EPHA10: variants seen among roughly 807,000 people sequenced by gnomAD.
EPHA10 encodes ephrin type-A receptor 10.
In EPHA10, 120 loss-of-function variants were observed where a neutral mutation model predicts 109.7. The ratio of observed to expected loss-of-function variants is 1.09; its 90% confidence interval spans 0.94 to 1.27. EPHA10 has a LOEUF of 1.27. Ranked by LOEUF, EPHA10 falls within the 50% of genes most tolerant of loss-of-function variation. The pLI is 0.00. For missense variants in EPHA10, 1,396 were observed against 1,411.1 expected (o/e 0.99, Z 0.17); for synonymous variants, 640 against 618.9 (o/e 1.03, Z -0.51).
rs183049110 is a variant in EPHA10 at position 37,716,651 on chromosome 1, T to C, written c.*1721A>G. The C allele has an allele frequency of 1.2e-4, 28 of 232,738 alleles. No homozygotes were observed. The highest frequency in any genetic ancestry group is 5.5e-4 in the African/African-American group (25 of 45,408). 14.4% of individuals were successfully genotyped at this position (232,738 alleles called of 1,614,324 possible). ...GTCACTGTCCCCCACCTCTGGGTGC[T>C]CTGCAAAGAGGCACTGCACCTTCCC... On this transcript the variant is annotated 3_prime_UTR_variant, in exon 17 of 17. Transcript: ENST00000373048.
At chr1:37,729,059 T>A (rs1438090691) in intron 7 of EPHA10, among the ~76,000 whole-genome samples, 2 of 152,192 alleles carry the variant, frequency 1.3e-5, no homozygotes. Flanking sequence ...ATGAATGGCT[T>A]CTGTCTTGGG....
intron 5 of EPHA10, among the ~76,000 whole-genome samples, chr1:37,748,690 A>G (rs370469048): frequency 2.6e-5 from 4 of 152,176 alleles, no homozygotes; most frequent in African/African-American, 9.7e-5. Context: ...GAGAGTTCAC[A>G]CTGAAATATC....
chr1:37,724,763 G>T (rs971217919), intron 8 of EPHA10, among the ~76,000 whole-genome samples: 1 of 152,222 alleles, frequency 6.6e-6, no homozygotes, highest in African/African-American at 2.4e-5. Flanking sequence ...ACCGCAGGGT[G>T]TTGACAGCCT....
At chr1:37,751,978 G>T (rs1311038802) in intron 5 of EPHA10, among the ~76,000 whole-genome samples, 1 of 152,092 alleles carries the variant, frequency 6.6e-6, no homozygotes, top group Non-Finnish European at 1.5e-5. Flanking sequence ...AAGTAGAAAA[G>T]AATGAAAATA....
chr1:37,720,596 T>A, intron 12 of EPHA10, 42 bp from the exon 13 acceptor site: 1 of 1,576,746 alleles, frequency 6.3e-7, no homozygotes, highest in Non-Finnish European at 8.6e-7. Context: ...TGCGCTTGGA[T>A]CCCCTGGTGT....
intron 6 of EPHA10, among the ~76,000 whole-genome samples, chr1:37,732,120 T>A (rs1449948748): frequency 6.6e-6 from 1 of 152,100 alleles, no homozygotes. Context: ...TTCAGAGGGG[T>A]AAAGACTCCC....
chr1:37,723,593 C>T (rs1645839423), intron 8 of EPHA10, among the ~76,000 whole-genome samples: 1 of 152,238 alleles, frequency 6.6e-6, no homozygotes, highest in Non-Finnish European at 1.5e-5. Context: ...ACCACCACCA[C>T]CATCCCTAGC....
Position 37,764,439 on chromosome 1 carries a change from G to C in EPHA10, c.106+522C>G, listed in dbSNP as rs755093495. On this transcript the variant is annotated intron_variant, in intron 1 of 16. Transcript: ENST00000373048. The surrounding 1 kb of genome is among the most constrained non-coding windows in gnomAD (Gnocchi z 5.8). ...AAACCCGGCAACGCGGAGCGCGCCC[G>C]GCAGACTACGCTCAGAATTCAGCAC... Among the ~76,000 whole-genome samples, 1 of 152,220 alleles carries C rather than the reference G, an allele frequency of 6.6e-6. No individual in the cohort carries two copies. The highest frequency in any genetic ancestry group is 1.5e-5 in the Non-Finnish European group (1 of 68,034).
chr1:37,740,110 A>G (rs1018844177), intron 5 of EPHA10, among the ~76,000 whole-genome samples: 2 of 152,098 alleles, frequency 1.3e-5, no homozygotes, highest in Non-Finnish European at 2.9e-5. Context: ...AAGGAAAAAA[A>G]TTATATCCTT....
At chr1:37,720,268 A>G in intron 13 of EPHA10, 83 bp downstream of exon 13, 1 of 1,465,110 alleles carries the variant, frequency 6.8e-7, no homozygotes, top group Non-Finnish European at 9.2e-7. Context: ...CAGGGAAAGG[A>G]GTAGAAGTGG....
Position 37,761,779 on chromosome 1 carries a change from T to C in EPHA10, c.476A>G (p.Glu159Gly). 1 of 1,613,738 alleles carries C rather than the reference T, an allele frequency of 6.2e-7. No individual in the cohort carries two copies. The highest frequency in any genetic ancestry group is 8.5e-7 in the Non-Finnish European group (1 of 1,179,806). The change falls in exon 3 of 17, where the codon GAG becomes GGG. Residue 159 changes from glutamate (E) to glycine (G), a missense_variant. Glu to Gly is a moderately conservative substitution (Grantham distance 98, BLOSUM62 -2). Coordinates refer to ENST00000373048, the MANE Select transcript of EPHA10 (RefSeq NM_001099439.2). ...PRKIDTIAAD[E>G]SFTQGDLGER... ...ACCCAGGTCGCCCTGCGTGAAGCTC[T>C]CGTCCGCCGCGATCGTGTCGATTTT...
Position 37,752,953 on chromosome 1 carries a change from GCGGCCACGCGCA to G in EPHA10, c.1268_1279del (p.Val423_Ala426del). 1 of 1,294,596 alleles carries G rather than the reference GCGGCCACGCGCA, an allele frequency of 7.7e-7. No homozygotes were observed. The highest frequency in any genetic ancestry group is 9.8e-7 in the Non-Finnish European group (1 of 1,024,450). The allele number at this position is 1,294,596 out of a possible 1,614,324, so 80.2% of individuals were successfully genotyped here. On this transcript the variant is annotated inframe_deletion, in exon 5 of 17. Coordinates refer to ENST00000373048, the MANE Select transcript of EPHA10 (RefSeq NM_001099439.2). Reference sequence around the variant, plus strand: ...CGCCGGGCCCGAGACGCCGTTGAGCGCGGCCACGCGCACGGTGTAGCGCGCGCCGGGCCGCAG... The same window carrying G: ...CGCCGGGCCCGAGACGCCGTTGAGCGCGGTGTAGCGCGCGCCGGGCCGCAG...
In EPHA10 at chr1:37,716,260, G is replaced by A. The variant is rs912284509; in HGVS notation, c.*2112C>T. The A allele has an allele frequency of 3.7e-5, 10 of 269,862 alleles. No individual in the cohort carries two copies. Among genetic ancestry groups the A allele is most frequent in the African/African-American group, 2.0e-4 (9 of 45,720 alleles). The allele number at this position is 269,862 out of a possible 1,614,324, so 16.7% of individuals were successfully genotyped here. A position where few individuals can be genotyped will look rare whatever the true frequency, so the allele number is the denominator to read the frequency against. On this transcript the variant is annotated 3_prime_UTR_variant, in exon 17 of 17. Transcript: ENST00000373048. The stretch of plus-strand genomic sequence containing the variant: ...CTCAGTGGAGGGGAGATCTACCCTG[G>A]ACACCGAAGTCCTGCCAACACAGCC...
intron 6 of EPHA10, among the ~76,000 whole-genome samples, chr1:37,733,777 A>G (rs1018427164): frequency 6.6e-6 from 1 of 151,060 alleles, no homozygotes; most frequent in Non-Finnish European, 1.5e-5. Context: ...TACTGTCTCT[A>G]TGCTGAGAGC....
At chr1:37,722,915 C>T (rs752394683) in intron 10 of EPHA10, 126 bp downstream of exon 10, 11 of 1,454,930 alleles carry the variant, frequency 7.6e-6, no homozygotes, top group Non-Finnish European at 9.5e-6. Flanking sequence ...GCAGGGCTTC[C>T]AGACACGAGC....
At chr1:37,723,397 T>C (rs770193846) in intron 8 of EPHA10, 25 bp from the exon 9 acceptor site, 1 of 1,612,950 alleles carries the variant, frequency 6.2e-7, no homozygotes, top group Non-Finnish European at 8.5e-7. Context: ...AGGGTCATTC[T>C]TTCAGCCAGG....
rs201129658 is a variant in EPHA10, at chr1:37,719,571, G to T, written c.2599C>A (p.Pro867Thr). 4.2e-5 allele frequency: 68 copies of T among 1,613,682 alleles called. No homozygotes were observed. Among genetic ancestry groups the T allele is most frequent in the Non-Finnish European group, 5.4e-5 (64 of 1,180,016 alleles). Residue 867 changes from proline (P) to threonine (T), a missense_variant, in exon 15 of 17, where the codon CCC (proline) becomes ACC (threonine). Pro to Thr is a conservative substitution (Grantham distance 38, BLOSUM62 -1). Coordinates refer to ENST00000373048, the MANE Select transcript of EPHA10 (RefSeq NM_001099439.2). ...KAVEDGFRLP[P>T]PRNCPNLLHR... ...AGAAGGTTAGGACAGTTCCTGGGGG[G>T]TGGCAGCCGGAAGCCATCCTCCACA...
At position 37,764,179 on chromosome 1, in the gene EPHA10, T is replaced by C. The variant is rs1014800033; in HGVS notation, c.106+782A>G. Among the ~76,000 whole-genome samples, 1 of 152,136 alleles carries C rather than the reference T, an allele frequency of 6.6e-6. No homozygotes were observed. The highest frequency in any genetic ancestry group is 1.5e-5 in the Non-Finnish European group (1 of 68,016). ...GCCTCTCCAGAGGCGTCAGCGACTG[T>C]GGGCAGGACCGCCGACGGCTTTCCG... On this transcript the variant is annotated intron_variant, in intron 1 of 16. Transcript: ENST00000373048. The surrounding 1 kb of genome is among the most constrained non-coding windows in gnomAD (Gnocchi z 5.8).
rs1305436120 is a variant in EPHA10, at chr1:37,718,869, C to A, written c.2757-53G>T. The A allele has an allele frequency of 1.0e-5, 16 of 1,549,260 alleles. No homozygotes were observed. The African/African-American group carries it at 2.2e-4, about 21-fold the overall frequency. On this transcript the variant is annotated intron_variant, in intron 15 of 16. Coordinates refer to ENST00000373048, the MANE Select transcript of EPHA10 (RefSeq NM_001099439.2). ...CGACAGCTGGGATCTGGGCCCACAC[C>A]TGGTGGTCTCCCGGGGAGAGGCCAG...
Sources: gnomAD v4.1 joint callset for allele counts (sites outside exome capture counted in the v4.1 genomes callset) on GRCh38, gnomAD v4.1.1 for gene constraint, Gnocchi (gnomAD v3.1) non-coding constraint, MANE v1.5 for transcripts, NCBI Gene and HGNC (gene_info 2026-07-23, HGNC 2026-07-21) for gene names.